NTRK2: variants seen among roughly 807,000 people sequenced by gnomAD.
NTRK2 encodes the protein BDNF/NT-3 growth factors receptor.
In NTRK2, 13 loss-of-function variants were observed where a neutral mutation model predicts 94.5. The ratio of observed to expected loss-of-function variants is 0.14; its 90% CI spans 0.09 to 0.22. The LOEUF is 0.22. Ranked by LOEUF, NTRK2 falls within the 10% of genes least tolerant of loss-of-function variation. NTRK2 has a pLI of 1.00. For missense variants in NTRK2, 639 were observed against 1,071.2 expected, an observed-to-expected ratio of 0.60 and a Z score of 5.63; for synonymous variants, 372 against 407.4, an observed-to-expected ratio of 0.91 and a Z score of 1.05.
At chr9:84,709,887 G>A (rs891703876) in intron 5 of NTRK2, among the ~76,000 whole-genome samples, 2 of 152,092 alleles carry the variant, frequency 1.3e-5, no homozygotes, top group Non-Finnish European at 2.9e-5. Flanking sequence ...CTGAATGGCG[G>A]TGGCTTTCCA....
intron 4 of NTRK2, 150 bp from the exon 5 acceptor site, chr9:84,707,694 C>A: frequency 1.6e-6 from 1 of 630,510 alleles, no homozygotes; most frequent in Non-Finnish European, 2.7e-6. Context: ...AGCTATCACT[C>A]TAAGTGAAAG....
At chr9:84,844,637 G>A (rs1392956936) in intron 12 of NTRK2, among the ~76,000 whole-genome samples, 1 of 132,786 alleles carries the variant, frequency 7.5e-6, no homozygotes, top group Non-Finnish European at 1.6e-5. Context: ...AAACTACAAT[G>A]TAATACCTCA....
chr9:84,740,788 A>G (rs1179210423), intron 9 of NTRK2, among the ~76,000 whole-genome samples: 1 of 152,244 alleles, frequency 6.6e-6, no homozygotes, highest in African/African-American at 2.4e-5. Context: ...TTCTAATTTG[A>G]ACACTGGGGC....
chr9:84,936,287 C>T (rs903914864), intron 15 of NTRK2, among the ~76,000 whole-genome samples: 4 of 152,146 alleles, frequency 2.6e-5, no homozygotes, highest in African/African-American at 7.2e-5. Context: ...GAGTGTGTTG[C>T]GTAGCTGAAT....
At chr9:84,676,120 A>G (rs1227390039) in intron 2 of NTRK2, among the ~76,000 whole-genome samples, 1 of 152,252 alleles carries the variant, frequency 6.6e-6, no homozygotes. Flanking sequence ...ACCACTACCC[A>G]GTCACTACCC....
chr9:85,026,505 G>A lies in NTRK2; in HGVS notation c.*5068G>A, dbSNP rs2118138222. 1 of 232,446 alleles carries A rather than the reference G, an allele frequency of 4.3e-6. No homozygotes were observed. Among genetic ancestry groups the A allele is most frequent in the Non-Finnish European group, 8.5e-6 (1 of 117,590 alleles). 14.4% of individuals were successfully genotyped at this position (232,446 alleles called of 1,614,324 possible). ...TACTATTGCTTAAAAAATGTATAAA[G>A]CAGCTGGAAATGTTTTAAATACAAG... On this transcript the variant is annotated 3_prime_UTR_variant, in exon 19 of 19. Transcript: ENST00000277120.
intron 12 of NTRK2, chr9:84,814,111 T>C: frequency 9.4e-7 from 1 of 1,065,362 alleles, no homozygotes. Flanking sequence ...CTGATTTCAT[T>C]TCTGACCCAC....
At chr9:84,832,039 G>A (rs1329278175) in intron 12 of NTRK2, among the ~76,000 whole-genome samples, 1 of 152,186 alleles carries the variant, frequency 6.6e-6, no homozygotes, top group Non-Finnish European at 1.5e-5. Context: ...AAAAAACATA[G>A]TTGTTTTCTA....
chr9:84,905,435 C>T (rs180809610), intron 14 of NTRK2, among the ~76,000 whole-genome samples: 15 of 152,236 alleles, frequency 9.9e-5, no homozygotes, highest in African/African-American at 3.6e-4. Context: ...AGGACAGTCC[C>T]AGGAGATGAG....
At chr9:85,019,455 C>T (rs1832592142) in intron 17 of NTRK2, among the ~76,000 whole-genome samples, 1 of 152,180 alleles carries the variant, frequency 6.6e-6, no homozygotes, top group South Asian at 2.1e-4. Context: ...AAGTCATATA[C>T]AATTTTACTT....
intron 2 of NTRK2, 119 bp downstream of exon 2, chr9:84,671,079 A>C: frequency 1.1e-6 from 1 of 896,480 alleles, no homozygotes; most frequent in Non-Finnish European, 1.8e-6. Context: ...AAGACAAGGG[A>C]TGCAGGACAG....
At position 84,813,780 on chromosome 9, in the gene NTRK2, C is replaced by G. The variant is rs142224301; in HGVS notation, c.1397-47260C>G. On this transcript the variant is annotated intron_variant, in intron 12 of 18. Transcript: ENST00000277120. ...AATTTCTTTTCAACAGCGCTCATGT[C>G]TCTTGGCCCAGTCAGGTGCTGCCAG... The G allele has an allele frequency of 5.2e-4, 551 of 1,065,986 alleles. 4 individuals carry two copies. The African/African-American group carries it at 8.6e-3, about 17-fold the overall frequency. 66.0% of individuals were successfully genotyped at this position (1,065,986 alleles called of 1,614,324 possible). A position where few individuals can be genotyped will look rare whatever the true frequency, so the allele number is the denominator to read the frequency against.
intron 11 of NTRK2, among the ~76,000 whole-genome samples, chr9:84,746,098 C>T (rs866277174): frequency 2.0e-5 from 3 of 152,280 alleles, no homozygotes; most frequent in Middle Eastern, 3.4e-3. Context: ...CAAACTATGA[C>T]CCATGGGCCA....
At chr9:84,967,364 G>A (rs1403832450) in intron 17 of NTRK2, among the ~76,000 whole-genome samples, 1 of 152,228 alleles carries the variant, frequency 6.6e-6, no homozygotes, top group Non-Finnish European at 1.5e-5. Flanking sequence ...TTGTGTATCT[G>A]TGTGGGTGAT....
rs1361918098 is a variant in NTRK2 at position 84,882,273 on chromosome 9, A to G, written c.1633+14842A>G. On this transcript the variant is annotated intron_variant, in intron 14 of 18. Coordinates refer to ENST00000277120, the MANE Select transcript of NTRK2 (RefSeq NM_006180.6). The stretch of plus-strand genomic sequence containing the variant: ...AAATGCAGCCAGTTTAACTGATGAG[A>G]TGGGTATCTGCAACTTTCTCATTTT... Among the ~76,000 whole-genome samples the G allele has an allele frequency of 3.9e-5, 6 of 152,190 alleles. No individual in the cohort carries two copies. In the East Asian group the frequency reaches 9.6e-4, roughly 24 times the overall value.
intron 13 of NTRK2, among the ~76,000 whole-genome samples, chr9:84,865,349 A>C (rs1371715341): frequency 6.6e-6 from 1 of 152,174 alleles, no homozygotes; most frequent in Non-Finnish European, 1.5e-5. Flanking sequence ...ATGCTTCAAA[A>C]ATTACCTATA....
At chr9:84,959,229 C>T (rs1391279593) in intron 17 of NTRK2, among the ~76,000 whole-genome samples, 2 of 152,288 alleles carry the variant, frequency 1.3e-5, no homozygotes, top group Middle Eastern at 3.4e-3. Flanking sequence ...GCTGTCGTCA[C>T]CAATGTTAAA....
At chr9:84,723,762 T>C in intron 7 of NTRK2, 53 bp downstream of exon 7, 3 of 1,607,462 alleles carry the variant, frequency 1.9e-6, no homozygotes, top group Non-Finnish European at 2.6e-6. Flanking sequence ...TGTTTCAGAA[T>C]GCGAGAATGT....
At chr9:84,753,229 G>T (rs1225889284) in intron 12 of NTRK2, among the ~76,000 whole-genome samples, 1 of 151,962 alleles carries the variant, frequency 6.6e-6, no homozygotes, top group Non-Finnish European at 1.5e-5. Context: ...GTTTCTTCAG[G>T]GGAGGAAAGA....
Sources: gnomAD v4.1 joint callset for allele counts (sites outside exome capture counted in the v4.1 genomes callset) on GRCh38, gnomAD v4.1.1 for gene constraint, MANE v1.5 for transcripts, NCBI Gene and HGNC (gene_info 2026-07-23, HGNC 2026-07-21) for gene names.